The following RAPGEF1 variants were observed in gnomAD, a reference collection of about 807,000 sequenced individuals.
RAPGEF1 encodes Rap guanine nucleotide exchange factor 1.
A neutral mutation model predicts 143.3 loss-of-function variants in RAPGEF1; 33 were observed. The observed-to-expected ratio is 0.23, with a 90% CI of 0.17 to 0.31. The LOEUF is 0.31. RAPGEF1 is among the 10% of genes least tolerant of loss of function. The pLI, the probability that RAPGEF1 is intolerant of heterozygous loss-of-function variation, is 1.00. For synonymous variants in RAPGEF1, 629 were observed against 676.5 expected (o/e 0.93, Z 1.09); for missense variants, 1,199 against 1,645.4 (o/e 0.73, Z 4.69).
chr9:131,676,843 A>T (rs1013451400), intron 1 of RAPGEF1, among the ~76,000 whole-genome samples: 49 of 152,356 alleles, frequency 3.2e-4, no homozygotes, highest in African/African-American at 1.2e-3. Context: ...TGTGGTCCTG[A>T]ACCAACAACG....
At chr9:131,726,049 G>T (rs1037193938) in intron 1 of RAPGEF1, among the ~76,000 whole-genome samples, 1 of 152,044 alleles carries the variant, frequency 6.6e-6, no homozygotes, top group Admixed American at 6.6e-5. Flanking sequence ...GTGAGCCACT[G>T]CACCCGGCCA....
At chr9:131,614,728 C>A (rs1175739925) in intron 12 of RAPGEF1, among the ~76,000 whole-genome samples, 2 of 152,340 alleles carry the variant, frequency 1.3e-5, no homozygotes, top group Non-Finnish European at 2.9e-5. Flanking sequence ...GGGCCCATCT[C>A]AGAAAACGAC....
intron 1 of RAPGEF1, among the ~76,000 whole-genome samples, chr9:131,706,306 A>G (rs1244906011): frequency 1.3e-5 from 2 of 151,710 alleles, no homozygotes; most frequent in Non-Finnish European, 2.9e-5. Context: ...TCTGTCACCC[A>G]GGCTGGAGTG....
chr9:131,595,631 G>A (rs545522455), intron 17 of RAPGEF1, among the ~76,000 whole-genome samples: 64 of 152,352 alleles, frequency 4.2e-4, no homozygotes, highest in African/African-American at 1.3e-3. Context: ...AGGCAGTGAA[G>A]GGTGCTGTGG....
At chr9:131,647,732 C>A (rs2133386094) in intron 3 of RAPGEF1, among the ~76,000 whole-genome samples, 1 of 152,308 alleles carries the variant, frequency 6.6e-6, no homozygotes, top group East Asian at 1.9e-4. Flanking sequence ...TGGGACAGAA[C>A]ACAGACATCC....
rs372229301 is a variant in RAPGEF1, at chr9:131,737,427, G to A, written c.61+2343C>T. The A allele has an allele frequency of 1.2e-4, 187 of 1,613,790 alleles. 1 individual carries two copies. The African/African-American group carries it at 1.9e-3, about 16-fold the overall frequency. ...CACCTGTGTCCATGGCAGCACGGTC[G>A]CTCGGTCTGGCAGCCTGGGTAGCTT... On this transcript the variant is annotated intron_variant, in intron 1 of 26. Coordinates refer to ENST00000683357, the MANE Select transcript of RAPGEF1 (RefSeq NM_001377935.1).
chr9:131,621,211 A>G lies in RAPGEF1; in HGVS notation c.1905+585T>C, dbSNP rs967744213. Among the ~76,000 whole-genome samples the G allele has an allele frequency of 6.6e-6, 1 of 152,218 alleles. No homozygotes were observed. The highest frequency in any genetic ancestry group is 1.5e-5 in the Non-Finnish European group (1 of 68,030). ...TCTGTGCTGGCCCGTGCTTCCTTACATGCACAGGAGTCCTTAGCACACGAG... is the reference window on the plus strand; with the variant it reads ...TCTGTGCTGGCCCGTGCTTCCTTACGTGCACAGGAGTCCTTAGCACACGAG... On this transcript the variant is annotated intron_variant, in intron 11 of 26. Transcript: ENST00000683357. This position sits in a 1 kb window ranked among gnomAD's most constrained non-coding sequence, Gnocchi z 4.5.
chr9:131,728,204 G>A lies in RAPGEF1; in HGVS notation c.61+11566C>T, dbSNP rs185952872. Reference sequence around the variant, plus strand: ...AAGTTAATCAAGAAAGAAAAATAAAGGGTATGAAATCCCCCTTCTTGCAGT... The same window carrying A: ...AAGTTAATCAAGAAAGAAAAATAAAAGGTATGAAATCCCCCTTCTTGCAGT... On this transcript the variant is annotated intron_variant, in intron 1 of 26. Coordinates refer to ENST00000683357, the MANE Select transcript of RAPGEF1 (RefSeq NM_001377935.1). 2.6e-4 allele frequency among the ~76,000 whole-genome samples: 40 copies of A among 152,282 alleles called. No individual in the cohort carries two copies. The East Asian group carries it at 6.0e-3, about 23-fold the overall frequency.
chr9:131,647,404 G>A (rs1969946037), intron 3 of RAPGEF1, among the ~76,000 whole-genome samples: 1 of 152,220 alleles, frequency 6.6e-6, no homozygotes, highest in African/African-American at 2.4e-5. Flanking sequence ...GGGCTGGGGC[G>A]AGAAGGAGCC....
intron 14 of RAPGEF1, among the ~76,000 whole-genome samples, chr9:131,603,385 T>C (rs79501957): frequency 0.051 from 7,822 of 152,268 alleles, 387 homozygotes; most frequent in East Asian, 0.14. Flanking sequence ...TGTACCGCGA[T>C]GGTCGGGAGC....
chr9:131,658,132 T>C (rs1286973099), intron 1 of RAPGEF1, among the ~76,000 whole-genome samples: 1 of 152,138 alleles, frequency 6.6e-6, no homozygotes, highest in Non-Finnish European at 1.5e-5. Flanking sequence ...ATGCCAACAG[T>C]CCTCTAAGAG....
chr9:131,640,214 C>T (rs974193527), intron 4 of RAPGEF1, among the ~76,000 whole-genome samples: 4 of 152,204 alleles, frequency 2.6e-5, no homozygotes, highest in Non-Finnish European at 5.9e-5. Flanking sequence ...GTGCTTCTAA[C>T]GGCTGGGCTG....
At chr9:131,596,443 C>T (rs1454347108) in intron 16 of RAPGEF1, 70 bp from the exon 17 acceptor site, 9 of 1,498,438 alleles carry the variant, frequency 6.0e-6, no homozygotes, top group Non-Finnish European at 7.4e-6. Flanking sequence ...TAGGAAGAAA[C>T]AGGCAGGAAT....
intron 16 of RAPGEF1, among the ~76,000 whole-genome samples, chr9:131,597,730 T>C (rs941071024): frequency 6.6e-6 from 1 of 152,218 alleles, no homozygotes; most frequent in Non-Finnish European, 1.5e-5. Flanking sequence ...TCTTTTCTTT[T>C]TTTTTAGAGA....
At chr9:131,633,665 A>G (rs927843420) in intron 5 of RAPGEF1, among the ~76,000 whole-genome samples, 2 of 152,198 alleles carry the variant, frequency 1.3e-5, no homozygotes, top group Non-Finnish European at 2.9e-5. Context: ...TCATGATCCC[A>G]ATGACGCTCC....
At chr9:131,712,045 C>T (rs571266068) in intron 1 of RAPGEF1, among the ~76,000 whole-genome samples, 4 of 152,122 alleles carry the variant, frequency 2.6e-5, no homozygotes, top group Non-Finnish European at 4.4e-5. Flanking sequence ...ATCATTTTTG[C>T]AAAATCACGG....
At chr9:131,737,730 C>T (rs1311951093) in intron 1 of RAPGEF1, among the ~76,000 whole-genome samples, 1 of 151,960 alleles carries the variant, frequency 6.6e-6, no homozygotes, top group African/African-American at 2.4e-5. Flanking sequence ...TTTGGGAGGC[C>T]GAGGTGGGCG....
rs562818497 is a variant in RAPGEF1 at position 131,627,938 on chromosome 9, G to A, written c.1176C>T (p.Ser392=). Residue 392 remains serine, a synonymous_variant, in exon 9 of 27, where the codon TCC becomes TCT. Transcript: ENST00000683357. ...CTAGTGTTTCACAGCTTGTGTTCCG[G>A]GAGCACTGCCCACTGTCCCTGTCCA... is the stretch of plus-strand genomic sequence containing the variant. The part of the protein sequence containing the change: ...SSLDRDSGQC[S]RNTSCETLDH... 1 of 1,587,324 alleles carries A rather than the reference G, an allele frequency of 6.3e-7. No homozygotes were observed. Among genetic ancestry groups the A allele is most frequent in the Non-Finnish European group, 8.6e-7 (1 of 1,166,882 alleles).
chr9:131,597,000 T>G (rs1955417198), intron 16 of RAPGEF1, among the ~76,000 whole-genome samples: 1 of 152,160 alleles, frequency 6.6e-6, no homozygotes, highest in Non-Finnish European at 1.5e-5. Context: ...ACCTGCCTCT[T>G]AAGAAGCAAG....
Sources: allele counts gnomAD v4.1 joint callset (sites outside exome capture counted in the v4.1 genomes callset), GRCh38; gene constraint gnomAD v4.1.1; non-coding constraint Gnocchi (gnomAD v3.1); transcripts MANE v1.5; gene names NCBI Gene and HGNC (gene_info 2026-07-23, HGNC 2026-07-21).